ST3GAL2: variants seen among roughly 807,000 people sequenced by gnomAD.
ST3GAL2 encodes ST3 beta-galactoside alpha-2,3-sialyltransferase 2, also known as CMP-N-acetylneuraminate-beta-galactosamide-alpha-2,3-sialyltransferase 2.
A neutral mutation model predicts 37.5 loss-of-function variants in ST3GAL2; 16 were observed. The observed-to-expected ratio is 0.43, with a 90% CI of 0.29 to 0.65. The LOEUF is 0.65. Among genes scored for constraint, ST3GAL2 ranks in the 30% least tolerant of loss-of-function variants. The pLI is 0.17. For synonymous variants in ST3GAL2, 238 were observed against 202.9 expected, an observed-to-expected ratio of 1.17 and a Z score of -1.47; for missense variants, 383 against 487.8, an observed-to-expected ratio of 0.79 and a Z score of 2.02.
At chr16:70,434,192 A>T (rs1185640192) in intron 1 of ST3GAL2, among the ~76,000 whole-genome samples, 1 of 152,168 alleles carries the variant, frequency 6.6e-6, no homozygotes, top group Non-Finnish European at 1.5e-5. Context: ...TAGTCCCAGC[A>T]GTTTGGGAGG....
rs987662193 is a variant in ST3GAL2, at chr16:70,409,786, C to T, written c.-1003-10253G>A. Among the ~76,000 whole-genome samples the T allele has an allele frequency of 1.5e-4, 22 of 151,432 alleles. No homozygotes were observed. The East Asian group carries it at 1.7e-3, about 12-fold the overall frequency. ...CCGAGTAGCTAGGACCATAGGCATA[C>T]GCCACCAGACCTGGCTAAATTTTTT... is the stretch of plus-strand genomic sequence containing the variant. On this transcript the variant is annotated intron_variant, in intron 1 of 6. Coordinates refer to ENST00000342907, the MANE Select transcript of ST3GAL2 (RefSeq NM_006927.4).
rs1273462309 is a variant in ST3GAL2, at chr16:70,379,785, C to G, written c.*1904G>C. On this transcript the variant is annotated 3_prime_UTR_variant, in exon 7 of 7. Transcript: ENST00000342907. ...TACAGGTGCGCACCACTGCGCCTGGCTAATTTTTGTATTTTTTTTTTTTTT... is the reference window on the plus strand; with the variant it reads ...TACAGGTGCGCACCACTGCGCCTGGGTAATTTTTGTATTTTTTTTTTTTTT... The G allele has an allele frequency of 6.8e-6, 1 of 146,898 alleles. No homozygotes were observed. The highest frequency in any genetic ancestry group is 7.0e-5 in the Admixed American group (1 of 14,230). 9.1% of individuals were successfully genotyped at this position (146,898 alleles called of 1,614,324 possible).
intron 1 of ST3GAL2, among the ~76,000 whole-genome samples, chr16:70,413,752 A>T (rs1192147330): frequency 1.3e-4 from 12 of 92,740 alleles, no homozygotes; most frequent in East Asian, 2.8e-4. Flanking sequence ...AGAAAATAAT[A>T]AATAAATAAA....
In ST3GAL2 at chr16:70,383,232, G is replaced by A; in HGVS notation, c.717C>T (p.Thr239=). ...SALSTGQIRF[T]YAPVKSFLRV... is the part of the protein sequence containing the mutation. The stretch of plus-strand genomic sequence containing the variant: ...GAAGGAAGGACTTCACTGGGGCGTA[G>A]GTGCTGTAAGCAAAAAGAAAGAAAG... Residue 239 remains threonine, a synonymous_variant, in exon 5 of 7, where the codon ACC becomes ACT. Coordinates refer to ENST00000342907, the MANE Select transcript of ST3GAL2 (RefSeq NM_006927.4). 6.2e-7 allele frequency: 1 copy of A among 1,604,078 alleles called. No homozygotes were observed. Among genetic ancestry groups the A allele is most frequent in the South Asian group, 1.1e-5 (1 of 90,252 alleles).
At chr16:70,394,893 G>C in intron 3 of ST3GAL2, 89 bp downstream of exon 3, 1 of 1,451,010 alleles carries the variant, frequency 6.9e-7, no homozygotes, top group Non-Finnish European at 9.4e-7. Flanking sequence ...GTAGCTGGCA[G>C]CATGCACCCT....
At chr16:70,429,682 C>T (rs1265970219) in intron 1 of ST3GAL2, among the ~76,000 whole-genome samples, 4 of 136,078 alleles carry the variant, frequency 2.9e-5, no homozygotes, top group African/African-American at 1.1e-4. Context: ...GCTCTTATTG[C>T]CCAGGCTGGA....
chr16:70,422,425 A>C (rs1177929171), intron 1 of ST3GAL2, among the ~76,000 whole-genome samples: 1 of 152,194 alleles, frequency 6.6e-6, no homozygotes, highest in Non-Finnish European at 1.5e-5. Flanking sequence ...CCCCAGGCAT[A>C]AACAGACAGG....
chr16:70,414,869 ATTTATTAT>A (rs1384240739), intron 1 of ST3GAL2, among the ~76,000 whole-genome samples: 5 of 149,424 alleles, frequency 3.3e-5, no homozygotes, highest in African/African-American at 9.9e-5. Context: ...TTATTTATTT[ATTTATTAT>A]TTATTTATTT....
rs1414947044 is a variant in ST3GAL2, at chr16:70,377,806, G to A, written c.*3883C>T. ...CCACTGCACTCCAGCCTGGTCAACA[G>A]AGCAAAACTCCATCTCAAAAATAAA... On this transcript the variant is annotated 3_prime_UTR_variant, in exon 7 of 7. Transcript: ENST00000342907. 6.6e-6 allele frequency: 1 copy of A among 152,084 alleles called. No individual in the cohort carries two copies. The highest frequency in any genetic ancestry group is 1.5e-5 in the Non-Finnish European group (1 of 68,036). The allele number at this position is 152,084 out of a possible 1,614,324, so 9.4% of individuals were successfully genotyped here.
At chr16:70,419,983 G>A (rs1035865881) in intron 1 of ST3GAL2, among the ~76,000 whole-genome samples, 3 of 151,704 alleles carry the variant, frequency 2.0e-5, no homozygotes, top group Admixed American at 6.6e-5. Flanking sequence ...GTTATCAGTG[G>A]GGTAGGGACA....
chr16:70,382,526 C>G (rs965037373), intron 6 of ST3GAL2, among the ~76,000 whole-genome samples: 2 of 152,064 alleles, frequency 1.3e-5, no homozygotes, highest in African/African-American at 4.8e-5. Context: ...TCAAGTAATC[C>G]GCCCGCCTCA....
chr16:70,399,701 G>T lies in ST3GAL2; in HGVS notation c.-1003-168C>A, dbSNP rs74026022. ...CTCTAGCTGCACAGATAGCATCACT[G>T]TGTGGGACTCCAGGGCCTGGAGGAC... On this transcript the variant is annotated intron_variant, in intron 1 of 6. Transcript: ENST00000342907. The T allele has an allele frequency of 1.7e-5, 6 of 357,728 alleles. No homozygotes were observed. In the South Asian group the frequency reaches 7.5e-4, roughly 45 times the overall value. The allele number at this position is 357,728 out of a possible 1,614,324, so 22.2% of individuals were successfully genotyped here. A position where few individuals can be genotyped will look rare whatever the true frequency, so the allele number is the denominator to read the frequency against.
intron 1 of ST3GAL2, among the ~76,000 whole-genome samples, chr16:70,413,451 C>T (rs1208158798): frequency 1.3e-5 from 2 of 149,180 alleles, no homozygotes; most frequent in African/African-American, 4.9e-5. Flanking sequence ...CGCGGTGGCT[C>T]GCGCCTATAA....
chr16:70,429,652 T>C (rs952319279), intron 1 of ST3GAL2, among the ~76,000 whole-genome samples: 7 of 146,950 alleles, frequency 4.8e-5, no homozygotes, highest in Non-Finnish European at 1.1e-4. Flanking sequence ...TTTTTTTTTT[T>C]TTTTTTGAGA....
intron 1 of ST3GAL2, among the ~76,000 whole-genome samples, chr16:70,413,596 C>T (rs922530764): frequency 1.4e-5 from 2 of 145,398 alleles, no homozygotes; most frequent in African/African-American, 2.6e-5. Context: ...ATTAGCCAGG[C>T]GTGGTTGCGC....
rs1044805106 is a variant in ST3GAL2, at chr16:70,398,731, T to G, written c.-201A>C. ...CACACGTTGGCAGGAGTGGCTGTCC[T>G]GTCCCTGAGTCAGGCGGGGCCCCTG... On this transcript the variant is annotated 5_prime_UTR_variant, in exon 2 of 7. Coordinates refer to ENST00000342907, the MANE Select transcript of ST3GAL2 (RefSeq NM_006927.4). 9 of 613,130 alleles carry G rather than the reference T, an allele frequency of 1.5e-5. No individual in the cohort carries two copies. In the African/African-American group the frequency reaches 1.5e-4, roughly 10 times the overall value. 38.0% of individuals were successfully genotyped at this position (613,130 alleles called of 1,614,324 possible). A position where few individuals can be genotyped will look rare whatever the true frequency, so the allele number is the denominator to read the frequency against.
At chr16:70,432,934 T>C (rs2047801006) in intron 1 of ST3GAL2, among the ~76,000 whole-genome samples, 1 of 152,226 alleles carries the variant, frequency 6.6e-6, no homozygotes, top group African/African-American at 2.4e-5. Context: ...GCCCCAGCTG[T>C]GTCCACCACA....
intron 1 of ST3GAL2, among the ~76,000 whole-genome samples, chr16:70,428,729 C>T (rs560475920): frequency 2.2e-4 from 33 of 152,328 alleles, no homozygotes; most frequent in African/African-American, 7.7e-4. Flanking sequence ...TTCCTCACTA[C>T]CTTCCTCCTC....
intron 1 of ST3GAL2, among the ~76,000 whole-genome samples, chr16:70,413,851 A>C (rs2047657109): frequency 1.3e-5 from 2 of 152,176 alleles, no homozygotes; most frequent in Non-Finnish European, 2.9e-5. Context: ...TGTGGATTCA[A>C]GCAATTTCCT....
Sources: allele counts gnomAD v4.1 joint callset (sites outside exome capture counted in the v4.1 genomes callset), GRCh38; gene constraint gnomAD v4.1.1; transcripts MANE v1.5; gene names NCBI Gene and HGNC (gene_info 2026-07-23, HGNC 2026-07-21).